HIVEP2: variants seen among roughly 807,000 people sequenced by gnomAD.
The protein encoded by HIVEP2 is transcription factor HIVEP2.
A neutral mutation model predicts 180.7 loss-of-function variants in HIVEP2; 14 were observed. That is an observed-to-expected ratio of 0.08 (90% CI 0.05 to 0.12). The LOEUF (loss-of-function observed/expected upper bound fraction) is 0.12, where lower values mean the gene tolerates loss of function less well. Among genes scored for constraint, HIVEP2 ranks in the 10% least tolerant of loss-of-function variants. The pLI, the probability that HIVEP2 is intolerant of heterozygous loss-of-function variation, is 1.00. For missense variants in HIVEP2, 2,579 were observed against 3,008.5 expected, an observed-to-expected ratio of 0.86 and a Z score of 3.34; for synonymous variants, 1,184 against 1,136.4, an observed-to-expected ratio of 1.04 and a Z score of -0.84.
At chr6:142,834,533 A>G (rs918313503) in intron 2 of HIVEP2, among the ~76,000 whole-genome samples, 2 of 152,162 alleles carry the variant, frequency 1.3e-5, no homozygotes, top group African/African-American at 4.8e-5. Flanking sequence ...TATAAATCTG[A>G]TCACCCATGT....
chr6:142,936,686 GTTTC>G (rs1191159146), intron 1 of HIVEP2, among the ~76,000 whole-genome samples: 1 of 152,096 alleles, frequency 6.6e-6, no homozygotes, highest in Non-Finnish European at 1.5e-5. Context: ...GTCTTACGAT[GTTTC>G]TTTGTTATTT....
chr6:142,927,550 T>G (rs1777847588), intron 1 of HIVEP2, among the ~76,000 whole-genome samples: 2 of 152,194 alleles, frequency 1.3e-5, no homozygotes, highest in African/African-American at 4.8e-5. Flanking sequence ...CTATATGTTT[T>G]CATTATGAAA....
At chr6:142,920,465 A>G (rs767838219) in intron 1 of HIVEP2, among the ~76,000 whole-genome samples, 9 of 152,134 alleles carry the variant, frequency 5.9e-5, no homozygotes, top group Non-Finnish European at 1.2e-4. Context: ...CCAAGACCCC[A>G]TGATTCTTAT....
chr6:142,757,837 T>C (rs931372353), intron 9 of HIVEP2, among the ~76,000 whole-genome samples: 3 of 152,232 alleles, frequency 2.0e-5, no homozygotes, highest in African/African-American at 7.2e-5. Flanking sequence ...TTTGCCTAAC[T>C]TGACTGTGGG....
chr6:142,771,542 G>A lies in HIVEP2; in HGVS notation c.3197C>T (p.Ala1066Val), dbSNP rs2114652364. The change falls in exon 5 of 10, where the codon GCC becomes GTC. Residue 1066 changes from alanine (A) to valine (V), a missense_variant. Ala to Val is a moderately conservative substitution (Grantham distance 64, BLOSUM62 0). Coordinates refer to ENST00000367603, the MANE Select transcript of HIVEP2 (RefSeq NM_006734.4). This position sits in a 1 kb window ranked among gnomAD's most constrained non-coding sequence, Gnocchi z 5.4. The stretch of plus-strand genomic sequence containing the variant: ...CTCCCTGGACGGTGATACCGTGGAG[G>A]CTGCTGCTCCCGACACAGGAGCATG... ...LSHAPVSGAA[A>V]STVSPSRERK... 6.2e-7 allele frequency: 1 copy of A among 1,613,926 alleles called. No individual in the cohort carries two copies. The highest frequency in any genetic ancestry group is 8.5e-7 in the Non-Finnish European group (1 of 1,180,040).
At chr6:142,763,297 AAGG>A (rs1775298972) in intron 7 of HIVEP2, among the ~76,000 whole-genome samples, 2 of 152,308 alleles carry the variant, frequency 1.3e-5, no homozygotes, top group East Asian at 1.9e-4. Flanking sequence ...TGGCACAGAC[AAGG>A]AGAAGGGATT....
At chr6:142,918,664 T>C (rs1289082101) in intron 1 of HIVEP2, among the ~76,000 whole-genome samples, 1 of 152,208 alleles carries the variant, frequency 6.6e-6, no homozygotes, top group Non-Finnish European at 1.5e-5. Flanking sequence ...AACTTCTTAT[T>C]CACCAATAAA....
In HIVEP2 at chr6:142,770,186, A is replaced by G. The variant is rs753747440; in HGVS notation, c.4553T>C (p.Leu1518Pro). ...LQSGSSSFSS[L>P]SPSSSQDYPS... ...ATAGTCTTGAGATGAGGAGGGCGACAGCGAGGAGAAGGAAGATGACCCTGA... is the reference window on the plus strand; with the variant it reads ...ATAGTCTTGAGATGAGGAGGGCGACGGCGAGGAGAAGGAAGATGACCCTGA... Residue 1518 changes from leucine to proline, a missense_variant, in exon 5 of 10, where the codon CTG (leucine) becomes CCG (proline). Physicochemically the swap from Leu to Pro is moderately conservative, Grantham distance 98 (BLOSUM62 -3). Coordinates refer to ENST00000367603, the MANE Select transcript of HIVEP2 (RefSeq NM_006734.4). The surrounding 1 kb of genome is among the most constrained non-coding windows in gnomAD (Gnocchi z 4.7). The G allele has an allele frequency of 1.2e-6, 2 of 1,614,236 alleles. No homozygotes were observed. Among genetic ancestry groups the G allele is most frequent in the Non-Finnish European group, 1.7e-6 (2 of 1,180,040 alleles).
chr6:142,770,249 C>T lies in HIVEP2; in HGVS notation c.4490G>A (p.Arg1497Gln). 4 of 1,614,194 alleles carry T rather than the reference C, an allele frequency of 2.5e-6. No individual in the cohort carries two copies. The highest frequency in any genetic ancestry group is 2.7e-5 in the African/African-American group (2 of 75,052). ...TTTTGGCTCAGAAGCACATCCTTGT[C>T]GAACCAGCTGGGGTTTCTGGGGGCG... ...LSRPQKPQLV[R>Q]QGCASEPKDG... The change falls in exon 5 of 10, where the codon CGA (arginine) becomes CAA (glutamine). Residue 1497 changes from arginine (R) to glutamine (Q), a missense_variant. By Grantham distance (43) the Arg-to-Gln change is conservative. Coordinates refer to ENST00000367603, the MANE Select transcript of HIVEP2 (RefSeq NM_006734.4). The surrounding 1 kb of genome is among the most constrained non-coding windows in gnomAD (Gnocchi z 4.7).
At chr6:142,941,046 G>A (rs562893985) in intron 1 of HIVEP2, among the ~76,000 whole-genome samples, 2 of 152,114 alleles carry the variant, frequency 1.3e-5, no homozygotes, top group South Asian at 2.1e-4. Context: ...GAAAAATCAC[G>A]TCATAGAAAA....
rs1264485811 is a variant in HIVEP2, at chr6:142,774,930, T to A, written c.-192A>T. 1 of 1,442,016 alleles carries A rather than the reference T, an allele frequency of 6.9e-7. No homozygotes were observed. Among genetic ancestry groups the A allele is most frequent in the African/African-American group, 1.4e-5 (1 of 70,138 alleles). 89.3% of individuals were successfully genotyped at this position (1,442,016 alleles called of 1,614,324 possible). A position where few individuals can be genotyped will look rare whatever the true frequency, so the allele number is the denominator to read the frequency against. ...CGATGGGCATTAGCTAGTAATGTCC[T>A]TGGACCAGGGCTATAACACAGTTCT... On this transcript the variant is annotated 5_prime_UTR_variant, in exon 5 of 10. It adds an upstream start codon to the 5' untranslated region. Transcript: ENST00000367603. The surrounding 1 kb of genome is among the most constrained non-coding windows in gnomAD (Gnocchi z 5.1).
intron 2 of HIVEP2, among the ~76,000 whole-genome samples, chr6:142,801,629 C>A (rs926111511): frequency 3.3e-5 from 5 of 152,048 alleles, no homozygotes; most frequent in African/African-American, 1.2e-4. Context: ...GTATAAGTCA[C>A]TTCCACTTAG....
chr6:142,791,486 T>A (rs1168948065), intron 2 of HIVEP2, among the ~76,000 whole-genome samples: 2 of 152,310 alleles, frequency 1.3e-5, no homozygotes, highest in South Asian at 2.1e-4. Context: ...CATCTCAGAA[T>A]ATATCATTGC....
At chr6:142,824,733 A>T (rs1017264562) in intron 2 of HIVEP2, among the ~76,000 whole-genome samples, 7 of 152,206 alleles carry the variant, frequency 4.6e-5, no homozygotes, top group Non-Finnish European at 1.0e-4. Context: ...CAACAGTTAC[A>T]CCCTTAATTG....
chr6:142,853,125 T>C (rs1040709784), intron 1 of HIVEP2, among the ~76,000 whole-genome samples: 19 of 152,238 alleles, frequency 1.2e-4, no homozygotes, highest in African/African-American at 4.3e-4. Flanking sequence ...TTTCCTCTCT[T>C]GGCAGATTAA....
intron 1 of HIVEP2, among the ~76,000 whole-genome samples, chr6:142,913,619 G>A (rs1290286620): frequency 6.6e-6 from 1 of 152,168 alleles, no homozygotes; most frequent in Non-Finnish European, 1.5e-5. Context: ...GGTAAAACAC[G>A]GGAAATGAAA....
At chr6:142,944,339 T>C (rs1469982655) in intron 1 of HIVEP2, among the ~76,000 whole-genome samples, 2 of 144,942 alleles carry the variant, frequency 1.4e-5, no homozygotes, top group African/African-American at 2.7e-5. Context: ...ACAGCTGGGG[T>C]AGCAGAGCGG....
At chr6:142,870,173 C>A (rs1771602289) in intron 1 of HIVEP2, among the ~76,000 whole-genome samples, 1 of 151,868 alleles carries the variant, frequency 6.6e-6, no homozygotes, top group Admixed American at 6.6e-5. Flanking sequence ...GGGTTCAGCA[C>A]CAAAGGTTAT....
At chr6:142,918,618 C>T (rs1777617777) in intron 1 of HIVEP2, among the ~76,000 whole-genome samples, 1 of 152,134 alleles carries the variant, frequency 6.6e-6, no homozygotes, top group African/African-American at 2.4e-5. Flanking sequence ...ACGTGATACC[C>T]TGAAGCACAG....
Sources: allele counts gnomAD v4.1 joint callset (sites outside exome capture counted in the v4.1 genomes callset), GRCh38; gene constraint gnomAD v4.1.1; non-coding constraint Gnocchi (gnomAD v3.1); transcripts MANE v1.5; gene names NCBI Gene and HGNC (gene_info 2026-07-23, HGNC 2026-07-21).